The following CDYL2 variants were observed in gnomAD, a reference collection of about 807,000 sequenced individuals.
CDYL2 encodes chromodomain Y like 2.
CDYL2 carries 23 observed loss-of-function variants against 49.4 expected under a neutral mutation model. That is an observed-to-expected ratio of 0.47 (90% CI 0.34 to 0.66). The LOEUF is 0.66. CDYL2 is among the 30% of genes least tolerant of loss of function. The pLI, the probability that CDYL2 is intolerant of heterozygous loss-of-function variation, is 0.01. For synonymous variants in CDYL2, 360 were observed against 268.8 expected (o/e 1.34, Z -3.32); for missense variants, 678 against 656.4 (o/e 1.03, Z -0.36).
intron 1 of CDYL2, among the ~76,000 whole-genome samples, chr16:80,704,669 C>A (rs1189077832): frequency 6.6e-6 from 1 of 152,196 alleles, no homozygotes. Flanking sequence ...CTGATTGGAA[C>A]AGGGCATGCG....
At chr16:80,653,041 C>G (rs1410130738) in intron 2 of CDYL2, among the ~76,000 whole-genome samples, 1 of 152,118 alleles carries the variant, frequency 6.6e-6, no homozygotes, top group African/African-American at 2.4e-5. Flanking sequence ...ACTTGAATAC[C>G]GGTTCACCAG....
intron 3 of CDYL2, among the ~76,000 whole-genome samples, chr16:80,623,986 C>T (rs1462805912): frequency 6.6e-6 from 1 of 152,200 alleles, no homozygotes; most frequent in African/African-American, 2.4e-5. Flanking sequence ...GCTCCTGCCA[C>T]ATGCTACGTT....
intron 2 of CDYL2, among the ~76,000 whole-genome samples, chr16:80,660,860 A>G (rs548006552): frequency 1.3e-5 from 2 of 152,328 alleles, no homozygotes; most frequent in Non-Finnish European, 2.9e-5. Flanking sequence ...ATGCAGCAAC[A>G]AAAGGTGTCA....
rs114231262 is a variant in CDYL2, at chr16:80,653,193, C to T, written c.617-19957G>A. ...TTAAAAAGTGAAATTTGGCTGGGCG[C>T]GATGGCTCACGCCTGTAATCCTGGC... On this transcript the variant is annotated intron_variant, in intron 2 of 6. Transcript: ENST00000570137. Among the ~76,000 whole-genome samples, 651 of 152,310 alleles carry T rather than the reference C, an allele frequency of 4.3e-3. 3 individuals are homozygous for T. Among genetic ancestry groups the T allele is most frequent in the African/African-American group, 0.015 (615 of 41,560 alleles).
chr16:80,600,042 C>G lies in CDYL2; in HGVS notation c.*4346G>C, dbSNP rs916389451. 3 of 152,202 alleles carry G rather than the reference C, an allele frequency of 2.0e-5. No individual in the cohort carries two copies. Among genetic ancestry groups the G allele is most frequent in the African/African-American group, 7.2e-5 (3 of 41,446 alleles). The allele number at this position is 152,202 out of a possible 1,614,324, so 9.4% of individuals were successfully genotyped here. A position where few individuals can be genotyped will look rare whatever the true frequency, so the allele number is the denominator to read the frequency against. The stretch of plus-strand genomic sequence containing the variant: ...TTTGCAACAAGCTTAAGGCTCTGTT[C>G]ACAAACTCCATCAACTGCCACACAG... On this transcript the variant is annotated 3_prime_UTR_variant, in exon 7 of 7. Coordinates refer to ENST00000570137, the MANE Select transcript of CDYL2 (RefSeq NM_152342.4).
chr16:80,648,491 T>A (rs550081881), intron 2 of CDYL2, among the ~76,000 whole-genome samples: 37 of 152,088 alleles, frequency 2.4e-4, no homozygotes, highest in African/African-American at 8.9e-4. Context: ...CAAGTAGCGA[T>A]ATCACAGCCA....
chr16:80,744,189 G>C (rs1219424551), intron 1 of CDYL2, among the ~76,000 whole-genome samples: 1 of 152,212 alleles, frequency 6.6e-6, no homozygotes, highest in African/African-American at 2.4e-5. Flanking sequence ...GTGATTCTAA[G>C]TCCAGAGACG....
intron 3 of CDYL2, among the ~76,000 whole-genome samples, chr16:80,630,487 G>C (rs1308719717): frequency 6.6e-6 from 1 of 152,164 alleles, no homozygotes; most frequent in East Asian, 1.9e-4. Context: ...GGAAAAACTG[G>C]TCTCTGCAGA....
At chr16:80,781,228 C>A (rs541582929) in intron 1 of CDYL2, among the ~76,000 whole-genome samples, 10 of 152,144 alleles carry the variant, frequency 6.6e-5, no homozygotes, top group East Asian at 3.8e-4. Context: ...GGGAACTGTT[C>A]GTATGAAAAG....
At chr16:80,792,451 G>A (rs781304889) in intron 1 of CDYL2, among the ~76,000 whole-genome samples, 1 of 152,180 alleles carries the variant, frequency 6.6e-6, no homozygotes, top group Non-Finnish European at 1.5e-5. Context: ...ATCCTGTGCT[G>A]TGTGTTGCAA....
At chr16:80,735,859 C>T (rs535542042) in intron 1 of CDYL2, among the ~76,000 whole-genome samples, 1 of 152,318 alleles carries the variant, frequency 6.6e-6, no homozygotes, top group Admixed American at 6.5e-5. Context: ...GTTTTGGTCC[C>T]TAACCAGCCT....
At chr16:80,699,286 G>A (rs532297231) in intron 1 of CDYL2, among the ~76,000 whole-genome samples, 1 of 152,194 alleles carries the variant, frequency 6.6e-6, no homozygotes, top group East Asian at 1.9e-4. Context: ...AATGGATAAA[G>A]AAAATATGAT....
Position 80,804,292 on chromosome 16 carries a change from T to C in CDYL2, c.-119A>G. The stretch of plus-strand genomic sequence containing the variant: ...GCGCGCGTGTGTGTGCGAGTGTGTG[T>C]GGTGTGTTGAGTAAACTGTGTTTTT... On this transcript the variant is annotated 5_prime_UTR_variant, in exon 1 of 7. Coordinates refer to ENST00000570137, the MANE Select transcript of CDYL2 (RefSeq NM_152342.4). The C allele has an allele frequency of 1.1e-6, 1 of 899,316 alleles. No individual in the cohort carries two copies. Among genetic ancestry groups the C allele is most frequent in the Non-Finnish European group, 1.5e-6 (1 of 672,486 alleles). 55.7% of individuals were successfully genotyped at this position (899,316 alleles called of 1,614,324 possible).
intron 2 of CDYL2, among the ~76,000 whole-genome samples, chr16:80,635,263 T>A (rs1350688688): frequency 6.6e-6 from 1 of 152,066 alleles, no homozygotes; most frequent in Non-Finnish European, 1.5e-5. Context: ...AGAAAGGGAC[T>A]TCCTAGTCCA....
At chr16:80,762,990 A>C (rs1906584190) in intron 1 of CDYL2, among the ~76,000 whole-genome samples, 1 of 152,200 alleles carries the variant, frequency 6.6e-6, no homozygotes, top group African/African-American at 2.4e-5. Flanking sequence ...ACACCATAAA[A>C]TTAGGTTATA....
intron 1 of CDYL2, among the ~76,000 whole-genome samples, chr16:80,766,123 G>C (rs1358745124): frequency 6.6e-6 from 1 of 151,414 alleles, no homozygotes; most frequent in East Asian, 1.9e-4. Context: ...GGATAGAGGT[G>C]TTTTTTTTGA....
chr16:80,696,540 C>T (rs140577684), intron 1 of CDYL2, among the ~76,000 whole-genome samples: 26 of 151,582 alleles, frequency 1.7e-4, no homozygotes, highest in Non-Finnish European at 3.4e-4. Context: ...CTGATATTAT[C>T]GAAATACAAA....
chr16:80,794,438 G>A (rs1264430246), intron 1 of CDYL2, among the ~76,000 whole-genome samples: 2 of 151,920 alleles, frequency 1.3e-5, no homozygotes, highest in African/African-American at 4.8e-5. Flanking sequence ...TCCAATATAT[G>A]TCAAAAATAG....
At chr16:80,676,963 ATT>A (rs35188796) in intron 2 of CDYL2, among the ~76,000 whole-genome samples, 1,110 of 59,962 alleles carry the variant, frequency 0.019, 4 homozygotes, top group African/African-American at 0.05. Flanking sequence ...AATTCAATGT[ATT>A]TTTTTTTTTT....
Sources: allele counts gnomAD v4.1 joint callset (sites outside exome capture counted in the v4.1 genomes callset), GRCh38; gene constraint gnomAD v4.1.1; transcripts MANE v1.5; gene names NCBI Gene and HGNC (gene_info 2026-07-23, HGNC 2026-07-21).